DOCK2: variants seen among roughly 807,000 people sequenced by gnomAD.
DOCK2 encodes the protein dedicator of cytokinesis 2.
DOCK2 carries 87 observed loss-of-function variants against 248.9 expected under a neutral mutation model. That is an observed-to-expected ratio of 0.35 (90% CI 0.29 to 0.42). DOCK2 has a LOEUF of 0.42. DOCK2 is among the 10% of genes least tolerant of loss of function. The pLI is 1.00. For missense variants in DOCK2, 1,747 were observed against 2,300.2 expected, an observed-to-expected ratio of 0.76 and a Z score of 4.92; for synonymous variants, 805 against 821.6, an observed-to-expected ratio of 0.98 and a Z score of 0.35.
intron 14 of DOCK2, among the ~76,000 whole-genome samples, chr5:169,707,025 A>G (rs1761306237): frequency 6.6e-6 from 1 of 152,250 alleles, no homozygotes; most frequent in East Asian, 1.9e-4. Flanking sequence ...GCCGAGAGGC[A>G]CACAGTTTGC....
intron 33 of DOCK2, among the ~76,000 whole-genome samples, chr5:170,025,689 A>T (rs1755877415): frequency 6.6e-6 from 1 of 152,148 alleles, no homozygotes; most frequent in African/African-American, 2.4e-5. Context: ...GATGCACCAT[A>T]GAAGGGACGT....
At chr5:170,028,788 A>C (rs1756021410) in intron 34 of DOCK2, among the ~76,000 whole-genome samples, 1 of 151,048 alleles carries the variant, frequency 6.6e-6, no homozygotes. Context: ...CACACACCCA[A>C]ACACTCCCCC....
chr5:169,812,351 C>T (rs776395202), intron 26 of DOCK2, among the ~76,000 whole-genome samples: 3 of 152,168 alleles, frequency 2.0e-5, no homozygotes, highest in African/African-American at 4.8e-5. Context: ...CCCCCTGAGA[C>T]GGGACTGTCT....
At chr5:169,713,828 A>AT (rs1581081359) in intron 17 of DOCK2, among the ~76,000 whole-genome samples, 200 bp from the exon 18 acceptor site, 1 of 152,136 alleles carries the variant, frequency 6.6e-6, no homozygotes, top group East Asian at 1.9e-4. Flanking sequence ...CCCCCTTTCT[A>AT]TTAATGTGTC....
intron 27 of DOCK2, among the ~76,000 whole-genome samples, chr5:169,900,145 C>T (rs780258704): frequency 1.3e-5 from 2 of 152,192 alleles, no homozygotes; most frequent in African/African-American, 2.4e-5. Flanking sequence ...TCCAAGCTCT[C>T]AGATCTAAAG....
chr5:170,035,473 A>C (rs1756293081), intron 35 of DOCK2, among the ~76,000 whole-genome samples: 1 of 152,182 alleles, frequency 6.6e-6, no homozygotes, highest in Non-Finnish European at 1.5e-5. Context: ...CGATGACAGC[A>C]GAAAGGAATT....
intron 26 of DOCK2, among the ~76,000 whole-genome samples, chr5:169,813,933 T>C (rs1190092363): frequency 1.3e-5 from 2 of 152,220 alleles, no homozygotes; most frequent in Non-Finnish European, 2.9e-5. Flanking sequence ...AGGGAGATTG[T>C]CGTCTTTCAC....
In DOCK2 at chr5:170,077,690, A is replaced by G. The variant is rs763751405; in HGVS notation, c.4867-20A>G. 1.2e-6 allele frequency: 2 copies of G among 1,612,854 alleles called. No homozygotes were observed. Among genetic ancestry groups the G allele is most frequent in the Non-Finnish European group, 1.7e-6 (2 of 1,179,434 alleles). ...CTTCCCCAGGCTACAGCTGCTAACCACCCTGTTCTCCCACCACAGCCTGAC... is the reference window on the plus strand; with the variant it reads ...CTTCCCCAGGCTACAGCTGCTAACCGCCCTGTTCTCCCACCACAGCCTGAC... On this transcript the variant is annotated intron_variant, in intron 47 of 51. Transcript: ENST00000520908.
At chr5:169,872,781 A>G (rs750518434) in intron 27 of DOCK2, among the ~76,000 whole-genome samples, 1 of 152,146 alleles carries the variant, frequency 6.6e-6, no homozygotes, top group Non-Finnish European at 1.5e-5. Context: ...TGAAAGTAGG[A>G]CCTAGTTTTG....
intron 5 of DOCK2, among the ~76,000 whole-genome samples, chr5:169,671,965 AT>A (rs1439408013): frequency 6.6e-6 from 1 of 151,910 alleles, no homozygotes; most frequent in Non-Finnish European, 1.5e-5. Context: ...GGCTAAAGCA[AT>A]TTTTTGTTCA....
In DOCK2 at chr5:169,713,535, T is replaced by C. The variant is rs78236439; in HGVS notation, c.1660-493T>C. Among the ~76,000 whole-genome samples, 960 of 152,108 alleles carry C rather than the reference T, an allele frequency of 6.3e-3. 8 individuals carry two copies. Among genetic ancestry groups the C allele is most frequent in the African/African-American group, 0.022 (924 of 41,386 alleles). ...CTAGGAAGTAGGGATGATGATTGTCTTCAGTTTACTAATGAAAAAAAAAAT... is the reference window on the plus strand; with the variant it reads ...CTAGGAAGTAGGGATGATGATTGTCCTCAGTTTACTAATGAAAAAAAAAAT... On this transcript the variant is annotated intron_variant, in intron 17 of 51. Transcript: ENST00000520908.
intron 33 of DOCK2, among the ~76,000 whole-genome samples, chr5:170,021,021 A>G (rs944820360): frequency 6.6e-6 from 1 of 152,186 alleles, no homozygotes; most frequent in African/African-American, 2.4e-5. Context: ...CTCACATGGG[A>G]GAAAGTTGTT....
At chr5:169,851,895 C>T (rs942914458) in intron 27 of DOCK2, among the ~76,000 whole-genome samples, 1 of 152,166 alleles carries the variant, frequency 6.6e-6, no homozygotes, top group African/African-American at 2.4e-5. Context: ...CACCAGGTCC[C>T]TCCCTCAACA....
rs116374017 is a variant in DOCK2 at position 169,762,028 on chromosome 5, C to T, written c.2554+403C>T. Among the ~76,000 whole-genome samples the T allele has an allele frequency of 1.2e-3, 179 of 152,212 alleles. 1 individual carries two copies. Among genetic ancestry groups the T allele is most frequent in the African/African-American group, 4.1e-3 (171 of 41,504 alleles). On this transcript the variant is annotated intron_variant, in intron 25 of 51. Transcript: ENST00000520908. ...CTTATTAAAATGCTAATTCCTGAGA[C>T]CTAGCTCGAAGAGTCTAATTGAGTA...
chr5:169,981,471 T>TAGA (rs1160086094), intron 27 of DOCK2, among the ~76,000 whole-genome samples: 1 of 152,212 alleles, frequency 6.6e-6, no homozygotes, highest in African/African-American at 2.4e-5. Flanking sequence ...ACTTCGTATC[T>TAGA]CTGCATCACA....
At chr5:169,929,102 C>T (rs1046094901) in intron 27 of DOCK2, among the ~76,000 whole-genome samples, 1 of 152,196 alleles carries the variant, frequency 6.6e-6, no homozygotes, top group African/African-American at 2.4e-5. Flanking sequence ...CTGTCATGCC[C>T]TGCCTTGAAA....
At chr5:169,858,509 A>G (rs1395250835) in intron 27 of DOCK2, among the ~76,000 whole-genome samples, 1 of 152,140 alleles carries the variant, frequency 6.6e-6, no homozygotes, top group Non-Finnish European at 1.5e-5. Context: ...CTGGAAGACA[A>G]ACACCGGAAG....
At chr5:169,744,955 T>C (rs1763525504) in intron 22 of DOCK2, among the ~76,000 whole-genome samples, 1 of 152,078 alleles carries the variant, frequency 6.6e-6, no homozygotes, top group South Asian at 2.1e-4. Context: ...TGTCTGTAAA[T>C]GATTGGGAAG....
chr5:169,943,189 C>A (rs1489248024), intron 27 of DOCK2, among the ~76,000 whole-genome samples: 1 of 152,180 alleles, frequency 6.6e-6, no homozygotes, highest in Non-Finnish European at 1.5e-5. Flanking sequence ...TGAGTTTCAG[C>A]TTTGGAGCAT....
Sources: allele counts gnomAD v4.1 joint callset (sites outside exome capture counted in the v4.1 genomes callset), GRCh38; gene constraint gnomAD v4.1.1; transcripts MANE v1.5; gene names NCBI Gene and HGNC (gene_info 2026-07-23, HGNC 2026-07-21).